The following VPS13B variants were observed in gnomAD, a reference collection of about 807,000 sequenced individuals.
VPS13B encodes the protein vacuolar protein sorting 13 homolog B.
In VPS13B, 285 loss-of-function variants were observed where a neutral mutation model predicts 426.4. The ratio of observed to expected loss-of-function variants is 0.67; its 90% CI spans 0.61 to 0.74. The LOEUF is 0.74. Among genes scored for constraint, VPS13B ranks in the 30% least tolerant of loss-of-function variants. The pLI, the probability that VPS13B is intolerant of heterozygous loss-of-function variation, is 0.00. For missense variants in VPS13B, 4,537 were observed against 4,782.6 expected, an observed-to-expected ratio of 0.95 and a Z score of 1.51; for synonymous variants, 1,676 against 1,676.4, an observed-to-expected ratio of 1.00 and a Z score of 0.01.
At chr8:99,746,893 T>C (rs1810116408) in intron 39 of VPS13B, among the ~76,000 whole-genome samples, 1 of 152,120 alleles carries the variant, frequency 6.6e-6, no homozygotes, top group African/African-American at 2.4e-5. Flanking sequence ...TAGCAAATAA[T>C]TTATTTCAGT....
At chr8:99,418,827 T>C (rs1816220592) in intron 21 of VPS13B, among the ~76,000 whole-genome samples, 1 of 152,218 alleles carries the variant, frequency 6.6e-6, no homozygotes, top group Admixed American at 6.5e-5. Context: ...GAATTTATCC[T>C]TCTTCCTTCA....
At chr8:99,087,416 G>C (rs903124284) in intron 3 of VPS13B, among the ~76,000 whole-genome samples, 3 of 152,046 alleles carry the variant, frequency 2.0e-5, no homozygotes, top group Non-Finnish European at 2.9e-5. Flanking sequence ...GGGTGAGGCA[G>C]TGCCTCACCC....
At chr8:99,450,116 T>C (rs914425616) in intron 23 of VPS13B, among the ~76,000 whole-genome samples, 4 of 152,136 alleles carry the variant, frequency 2.6e-5, no homozygotes, top group African/African-American at 9.7e-5. Flanking sequence ...ATGATTTTAA[T>C]GACAGTCAGT....
At chr8:99,395,663 A>G (rs1490613324) in intron 21 of VPS13B, among the ~76,000 whole-genome samples, 2 of 152,216 alleles carry the variant, frequency 1.3e-5, no homozygotes, top group Non-Finnish European at 2.9e-5. Flanking sequence ...ATACAATAAG[A>G]TGGAGACATA....
intron 35 of VPS13B, among the ~76,000 whole-genome samples, chr8:99,662,427 GAATTTTATTT>G (rs1301969901): frequency 6.6e-6 from 1 of 150,780 alleles, no homozygotes; most frequent in Non-Finnish European, 1.5e-5. Flanking sequence ...TCTTCCTTAA[GAATTTTATTT>G]AATTTTATTT....
intron 19 of VPS13B, among the ~76,000 whole-genome samples, chr8:99,286,367 A>T (rs1819444813): frequency 6.6e-6 from 1 of 152,200 alleles, no homozygotes. Flanking sequence ...GAAATAAGAC[A>T]AGTGCTAAAG....
Position 99,289,927 on chromosome 8 carries a change from A to G in VPS13B, c.2824+14673A>G, listed in dbSNP as rs547491871. Among the ~76,000 whole-genome samples the G allele has an allele frequency of 8.5e-5, 13 of 152,256 alleles. No individual in the cohort carries two copies. The South Asian group carries it at 2.7e-3, about 32-fold the overall frequency. On this transcript the variant is annotated intron_variant, in intron 19 of 61. Coordinates refer to ENST00000357162, the MANE Select transcript of VPS13B (RefSeq NM_152564.5). ...ATCATTTCTAGTCCAGAAGAAAAGAAAAGGCAAACATTTTATTTGGGCAAG... is the reference window on the plus strand; with the variant it reads ...ATCATTTCTAGTCCAGAAGAAAAGAGAAGGCAAACATTTTATTTGGGCAAG...
At chr8:99,172,897 G>A (rs1017715468) in intron 16 of VPS13B, among the ~76,000 whole-genome samples, 2 of 151,838 alleles carry the variant, frequency 1.3e-5, no homozygotes, top group African/African-American at 4.8e-5. Context: ...CTACTTTCTG[G>A]GCCAACCATT....
intron 16 of VPS13B, among the ~76,000 whole-genome samples, chr8:99,171,049 G>A (rs201648180): frequency 7.9e-5 from 12 of 151,156 alleles, no homozygotes; most frequent in South Asian, 2.1e-4. Flanking sequence ...TAAAATAATC[G>A]CTCATATTTT....
At chr8:99,709,641 T>C (rs566389041) in intron 36 of VPS13B, among the ~76,000 whole-genome samples, 1 of 152,314 alleles carries the variant, frequency 6.6e-6, no homozygotes, top group Admixed American at 6.5e-5. Context: ...AACAGATTTT[T>C]GAGAAAAGTC....
chr8:99,795,828 T>G (rs776986831), intron 43 of VPS13B, among the ~76,000 whole-genome samples: 2 of 152,228 alleles, frequency 1.3e-5, no homozygotes, highest in African/African-American at 4.8e-5. Flanking sequence ...AGCTGCTGTC[T>G]TCCAGATCAA....
chr8:99,068,817 C>G (rs1291450872), intron 3 of VPS13B, among the ~76,000 whole-genome samples: 1 of 152,098 alleles, frequency 6.6e-6, no homozygotes, highest in Non-Finnish European at 1.5e-5. Flanking sequence ...CAGTCACCTC[C>G]CACCAGGTCC....
At chr8:99,516,097 C>G (rs1269949592) in intron 29 of VPS13B, among the ~76,000 whole-genome samples, 2 of 152,110 alleles carry the variant, frequency 1.3e-5, no homozygotes, top group Non-Finnish European at 2.9e-5. Context: ...AATGCAAATA[C>G]AAAAATGCAT....
intron 21 of VPS13B, among the ~76,000 whole-genome samples, chr8:99,418,950 G>A (rs777605416): frequency 1.2e-4 from 19 of 152,080 alleles, no homozygotes; most frequent in Non-Finnish European, 2.5e-4. Flanking sequence ...TCTTCCTTCA[G>A]GTCCTACTGA....
intron 39 of VPS13B, among the ~76,000 whole-genome samples, chr8:99,735,863 G>A (rs998539035): frequency 6.6e-6 from 1 of 152,110 alleles, no homozygotes; most frequent in Non-Finnish European, 1.5e-5. Flanking sequence ...AAAACGCTGC[G>A]AATTTGACAA....
At chr8:99,398,006 A>G (rs985473212) in intron 21 of VPS13B, among the ~76,000 whole-genome samples, 6 of 152,256 alleles carry the variant, frequency 3.9e-5, no homozygotes, top group African/African-American at 1.2e-4. Context: ...TGCTTCCACC[A>G]TAGTAACTTA....
chr8:99,189,647 T>C lies in VPS13B; in HGVS notation c.2334-3229T>C, dbSNP rs575285263. Among the ~76,000 whole-genome samples, 77 of 152,306 alleles carry C rather than the reference T, an allele frequency of 5.1e-4. 1 individual carries two copies. The highest frequency in any genetic ancestry group is 3.4e-3 in the Middle Eastern group (1 of 294). On this transcript the variant is annotated intron_variant, in intron 16 of 61. Coordinates refer to ENST00000357162, the MANE Select transcript of VPS13B (RefSeq NM_152564.5). ...ATATTGCCCTTTCCTGTTACTGATA[T>C]CAGTGTCCTTTTCTAATATTGTTTT...
At chr8:99,761,512 A>T (rs1178032882) in intron 39 of VPS13B, among the ~76,000 whole-genome samples, 1 of 152,152 alleles carries the variant, frequency 6.6e-6, no homozygotes, top group Non-Finnish European at 1.5e-5. Context: ...CCTTGTACTT[A>T]AAAACTTAGT....
At chr8:99,197,302 C>T (rs1347879990) in intron 17 of VPS13B, among the ~76,000 whole-genome samples, 2 of 152,146 alleles carry the variant, frequency 1.3e-5, no homozygotes, top group African/African-American at 4.8e-5. Context: ...GTGCCCTTGT[C>T]TGGCTTTGGT....
Sources: gnomAD v4.1 joint callset for allele counts (sites outside exome capture counted in the v4.1 genomes callset) on GRCh38, gnomAD v4.1.1 for gene constraint, MANE v1.5 for transcripts, NCBI Gene and HGNC (gene_info 2026-07-23, HGNC 2026-07-21) for gene names.